The following GPHN variants were observed in gnomAD, a reference collection of about 807,000 sequenced individuals.
The protein encoded by GPHN is gephyrin.
GPHN carries 17 observed loss-of-function variants against 95.5 expected under a neutral mutation model. The observed-to-expected ratio is 0.18, with a 90% CI of 0.12 to 0.27. GPHN has a LOEUF of 0.27. Ranked by LOEUF, GPHN falls within the 10% of genes least tolerant of loss-of-function variation. GPHN has a pLI of 1.00. For missense variants in GPHN, 660 were observed against 978.1 expected (o/e 0.67, Z 4.34); for synonymous variants, 320 against 322.5 (o/e 0.99, Z 0.08).
chr14:66,783,701 C>G (rs577654906), intron 3 of GPHN, among the ~76,000 whole-genome samples: 54 of 152,338 alleles, frequency 3.5e-4, no homozygotes, highest in African/African-American at 1.2e-3. Context: ...TGCGCCCCTA[C>G]TTGGTATCAA....
the GPHN span, chr14:67,578,633 T>C: frequency 1.9e-6 from 3 of 1,585,582 alleles, no homozygotes; most frequent in Non-Finnish European, 1.7e-6. The surrounding 1 kb of genome is among the most constrained non-coding windows in gnomAD (Gnocchi z 5.0). Context: ...AGATCCCAGG[T>C]GAGTGAACCT....
intron 1 of GPHN, among the ~76,000 whole-genome samples, chr14:66,634,404 G>A (rs1218176228): frequency 1.3e-5 from 2 of 152,032 alleles, no homozygotes; most frequent in African/African-American, 4.8e-5. Context: ...TCCCTTAATG[G>A]CTTAGCCTGC....
intron 17 of GPHN, among the ~76,000 whole-genome samples, chr14:67,138,951 G>A (rs2080278327): frequency 2.1e-5 from 3 of 144,050 alleles, no homozygotes; most frequent in South Asian, 2.2e-4. Context: ...GGCCAGGCAC[G>A]GTGGCTCATG....
the GPHN span, among the ~76,000 whole-genome samples, chr14:67,188,797 C>T: frequency 6.6e-6 from 1 of 151,760 alleles, no homozygotes; most frequent in South Asian, 2.1e-4. Flanking sequence ...TTCCTTCCTT[C>T]CTTCCTTCTT....
chr14:66,931,916 T>C (rs2153566697), intron 8 of GPHN, among the ~76,000 whole-genome samples: 1 of 152,372 alleles, frequency 6.6e-6, no homozygotes, highest in African/African-American at 2.4e-5. Flanking sequence ...ATGGTCTTCA[T>C]GCTTGTGGCT....
chr14:67,441,030 T>C, the GPHN span, among the ~76,000 whole-genome samples: 17 of 152,296 alleles, frequency 1.1e-4, no homozygotes, highest in African/African-American at 4.1e-4. Flanking sequence ...AGTCAAGCCA[T>C]GGGATAAAAA....
At chr14:67,559,571 T>C in the GPHN span, 4 of 1,408,112 alleles carry the variant, frequency 2.8e-6, no homozygotes, top group Admixed American at 1.9e-5. Flanking sequence ...CTCCTGGTGA[T>C]TGTTGGGATT....
the GPHN span, chr14:67,650,174 A>G: frequency 6.2e-6 from 1 of 160,396 alleles, no homozygotes; most frequent in South Asian, 1.8e-4. Flanking sequence ...TCAGGCCTGC[A>G]GGGGTGAGAA....
At chr14:67,412,172 G>C in the GPHN span, 3 of 852,290 alleles carry the variant, frequency 3.5e-6, no homozygotes, top group African/African-American at 5.4e-5. Flanking sequence ...AAGCAGCTCC[G>C]ACGCGGCAGG....
In GPHN at chr14:66,807,553, C is replaced by A. The variant is rs536891247; in HGVS notation, c.202-16921C>A. On this transcript the variant is annotated intron_variant, in intron 3 of 22. Transcript: ENST00000478722. ...TGAATGCTATAAACTCACTAAGAAT[C>A]ATTTACATCAATATGTGTTACTTTC... Among the ~76,000 whole-genome samples, 8 of 152,274 alleles carry A rather than the reference C, an allele frequency of 5.3e-5. No individual in the cohort carries two copies. In the South Asian group the frequency reaches 1.7e-3, roughly 32 times the overall value.
At chr14:67,068,814 C>T (rs1024271732) in intron 11 of GPHN, among the ~76,000 whole-genome samples, 3 of 152,124 alleles carry the variant, frequency 2.0e-5, no homozygotes, top group African/African-American at 7.2e-5. Flanking sequence ...CTGACCACAG[C>T]ACAAAGGCAC....
chr14:66,941,336 T>A (rs1302946434), intron 8 of GPHN, among the ~76,000 whole-genome samples: 2 of 152,188 alleles, frequency 1.3e-5, no homozygotes, highest in African/African-American at 4.8e-5. Context: ...TTGCATAAAG[T>A]ACAGCAAGAA....
chr14:67,183,485 A>C (rs1224833939), downstream of GPHN, among the ~76,000 whole-genome samples: 9 of 152,230 alleles, frequency 5.9e-5, no homozygotes, highest in Non-Finnish European at 1.5e-5. Flanking sequence ...GTCCATGGTC[A>C]CATAGATAGT....
At chr14:67,579,134 A>C in the GPHN span, 1 of 1,600,456 alleles carries the variant, frequency 6.2e-7, no homozygotes, top group Non-Finnish European at 8.5e-7. Context: ...GTCTTTTTAG[A>C]AGTGAAACTG....
the GPHN span, chr14:67,593,629 T>C: frequency 9.4e-6 from 6 of 637,942 alleles, no homozygotes; most frequent in Non-Finnish European, 1.7e-5. Flanking sequence ...ATAAAGAGAT[T>C]TACCTTTTAA....
intron 18 of GPHN, among the ~76,000 whole-genome samples, chr14:67,159,196 T>G (rs1313558447): frequency 6.6e-6 from 1 of 152,204 alleles, no homozygotes; most frequent in Non-Finnish European, 1.5e-5. Flanking sequence ...ACACATAGAC[T>G]GGTACTCATC....
chr14:66,889,826 A>G (rs1235645350), intron 5 of GPHN, among the ~76,000 whole-genome samples: 1 of 152,100 alleles, frequency 6.6e-6, no homozygotes, highest in Non-Finnish European at 1.5e-5. Flanking sequence ...AACTAAGCTA[A>G]AGTTGGTTCT....
At chr14:66,926,355 T>C (rs1015298495) in intron 8 of GPHN, among the ~76,000 whole-genome samples, 11 of 152,220 alleles carry the variant, frequency 7.2e-5, no homozygotes, top group African/African-American at 4.8e-5. Context: ...TGTTTCCTTT[T>C]AGTGGTTTCA....
At chr14:66,576,761 TAA>T (rs1435065063) in intron 1 of GPHN, among the ~76,000 whole-genome samples, 1 of 152,196 alleles carries the variant, frequency 6.6e-6, no homozygotes, top group Non-Finnish European at 1.5e-5. Flanking sequence ...CTATTATGAT[TAA>T]GAGTAGTATA....
Sources: gnomAD v4.1 joint callset for allele counts (sites outside exome capture counted in the v4.1 genomes callset) on GRCh38, gnomAD v4.1.1 for gene constraint, Gnocchi (gnomAD v3.1) non-coding constraint, MANE v1.5 for transcripts, NCBI Gene and HGNC (gene_info 2026-07-23, HGNC 2026-07-21) for gene names.